Variants in NETO1 observed in about 807,000 individuals in gnomAD.
NETO1 encodes neuropilin and tolloid-like protein 1.
NETO1 carries 26 observed loss-of-function variants against 61.3 expected under a neutral mutation model. That is an observed-to-expected ratio of 0.42 (90% CI 0.31 to 0.59). The LOEUF (loss-of-function observed/expected upper bound fraction) is 0.59. Among genes scored for constraint, NETO1 ranks in the 20% least tolerant of loss-of-function variants. The pLI, the probability that NETO1 is intolerant of heterozygous loss-of-function variation, is 0.12. For missense variants in NETO1, 531 were observed against 662.8 expected, an observed-to-expected ratio of 0.80 and a Z score of 2.18; for synonymous variants, 225 against 225.8, an observed-to-expected ratio of 1.00 and a Z score of 0.03.
At chr18:72,820,961 T>C (rs965320144) in intron 4 of NETO1, among the ~76,000 whole-genome samples, 3 of 152,096 alleles carry the variant, frequency 2.0e-5, no homozygotes, top group Non-Finnish European at 2.9e-5. Context: ...GGTAGATAGA[T>C]AGATAGACTT....
chr18:72,808,253 C>A (rs1358175312), intron 4 of NETO1, among the ~76,000 whole-genome samples: 1 of 152,078 alleles, frequency 6.6e-6, no homozygotes, highest in African/African-American at 2.4e-5. Flanking sequence ...AGCTTTTATG[C>A]CCAGAAAAGT....
chr18:72,846,190 G>A (rs1026124770), intron 4 of NETO1, among the ~76,000 whole-genome samples: 1 of 151,320 alleles, frequency 6.6e-6, no homozygotes, highest in African/African-American at 2.4e-5. Flanking sequence ...CACGGAAGAG[G>A]CACAGCCTAG....
At chr18:72,804,031 T>C (rs977384030) in intron 4 of NETO1, among the ~76,000 whole-genome samples, 5 of 152,114 alleles carry the variant, frequency 3.3e-5, no homozygotes, top group African/African-American at 1.2e-4. Context: ...TTAATATTCA[T>C]TAATATCTTC....
chr18:72,838,506 G>T (rs191195266), intron 4 of NETO1, among the ~76,000 whole-genome samples: 1 of 152,318 alleles, frequency 6.6e-6, no homozygotes. Flanking sequence ...CCAAGAGGTG[G>T]TAGTACAGGC....
chr18:72,835,080 G>T (rs1471829225), intron 4 of NETO1: 2 of 1,094,930 alleles, frequency 1.8e-6, no homozygotes, highest in East Asian at 1.0e-4. Context: ...ACCTTCATCT[G>T]GGTTTCAAGG....
In NETO1 at chr18:72,795,347, G is replaced by A. The variant is rs140225226; in HGVS notation, c.470-943C>T. 3.8e-3 allele frequency among the ~76,000 whole-genome samples: 572 copies of A among 152,246 alleles called. 7 individuals carry two copies. Among genetic ancestry groups the A allele is most frequent in the African/African-American group, 0.013 (546 of 41,544 alleles). ...TGTATCGGACGTCGTGGAATCATGC[G>A]TTAGCCAACTTTCAATGTTGAAGGT... On this transcript the variant is annotated intron_variant, in intron 4 of 10. Transcript: ENST00000327305.
intron 4 of NETO1, among the ~76,000 whole-genome samples, chr18:72,812,699 T>G (rs1261916956): frequency 2.0e-5 from 3 of 152,222 alleles, no homozygotes; most frequent in African/African-American, 7.2e-5. Flanking sequence ...CAATCCGGTC[T>G]CTCTAGAATG....
chr18:72,760,906 T>C (rs2070949413), intron 7 of NETO1, among the ~76,000 whole-genome samples: 1 of 151,960 alleles, frequency 6.6e-6, no homozygotes, highest in Admixed American at 6.5e-5. Context: ...ATTATAACTA[T>C]TACATAAAAT....
At chr18:72,753,366 A>T (rs1218015561) in intron 8 of NETO1, among the ~76,000 whole-genome samples, 3 of 152,196 alleles carry the variant, frequency 2.0e-5, no homozygotes, top group Non-Finnish European at 4.4e-5. Flanking sequence ...GCAGTGCTGC[A>T]AGCAAAAGCA....
At chr18:72,794,018 C>G in intron 6 of NETO1, 99 bp downstream of exon 6, 3 of 1,475,382 alleles carry the variant, frequency 2.0e-6, no homozygotes, top group Non-Finnish European at 2.8e-6. Flanking sequence ...TGGCTGCACT[C>G]TGAAATGTAT....
chr18:72,787,129 A>G (rs968116125), intron 6 of NETO1, among the ~76,000 whole-genome samples: 2 of 149,604 alleles, frequency 1.3e-5, no homozygotes, highest in Non-Finnish European at 3.0e-5. Context: ...CACTGTAAAA[A>G]TCAAAGCTAA....
intron 7 of NETO1, among the ~76,000 whole-genome samples, chr18:72,777,437 A>C (rs1251519043): frequency 3.1e-5 from 3 of 97,664 alleles, no homozygotes; most frequent in Admixed American, 1.1e-4. Flanking sequence ...AAAACAAAAC[A>C]ACAACAAAAA....
chr18:72,848,156 G>A (rs1485569875), intron 4 of NETO1, among the ~76,000 whole-genome samples: 2 of 152,118 alleles, frequency 1.3e-5, no homozygotes, highest in Non-Finnish European at 2.9e-5. Context: ...TCAACTTGAT[G>A]GCGACATTAA....
chr18:72,809,029 T>C (rs1026307686), intron 4 of NETO1, among the ~76,000 whole-genome samples: 42 of 152,358 alleles, frequency 2.8e-4, no homozygotes, highest in African/African-American at 8.7e-4. Flanking sequence ...GGTAAAGTTA[T>C]CATATTCTGT....
At chr18:72,816,039 G>A (rs1406719367) in intron 4 of NETO1, among the ~76,000 whole-genome samples, 1 of 151,748 alleles carries the variant, frequency 6.6e-6, no homozygotes, top group Non-Finnish European at 1.5e-5. Context: ...TTTTTAATCA[G>A]AATTAGGATC....
chr18:72,758,597 G>A (rs1029211323), intron 7 of NETO1, among the ~76,000 whole-genome samples: 1 of 152,144 alleles, frequency 6.6e-6, no homozygotes, highest in Non-Finnish European at 1.5e-5. Flanking sequence ...AGCACTTAGT[G>A]ACTCTGAGGT....
intron 7 of NETO1, among the ~76,000 whole-genome samples, chr18:72,778,377 A>G (rs1177569958): frequency 7.2e-5 from 11 of 152,114 alleles, no homozygotes. Flanking sequence ...TAGGCTGAGA[A>G]TTTTCCAAAT....
In NETO1 at chr18:72,867,468, G is replaced by GC. The variant is rs1247712024; in HGVS notation, c.-178dup. 2 of 418,402 alleles carry GC rather than the reference G, an allele frequency of 4.8e-6. No individual in the cohort carries two copies. Among genetic ancestry groups the GC allele is most frequent in the African/African-American group, 4.1e-5 (2 of 48,734 alleles). 25.9% of individuals were successfully genotyped at this position (418,402 alleles called of 1,614,324 possible). On this transcript the variant is annotated 5_prime_UTR_variant, in exon 1 of 11. The change abolishes the stop of an existing upstream ORF in the 5' untranslated region. Coordinates refer to ENST00000327305, the MANE Select transcript of NETO1 (RefSeq NM_138966.5). ...GGGGGAGCTCCGAGCCCACGCTGCAGCCAGATCCGGATGAGTCCGTCCTCC... is the reference window on the plus strand; with the variant it reads ...GGGGGAGCTCCGAGCCCACGCTGCAGCCCAGATCCGGATGAGTCCGTCCTCC...
In NETO1 at chr18:72,748,058, A is replaced by T; in HGVS notation, c.*121T>A. 1 of 775,808 alleles carries T rather than the reference A, an allele frequency of 1.3e-6. No individual in the cohort carries two copies. Among genetic ancestry groups the T allele is most frequent in the Non-Finnish European group, 1.6e-6 (1 of 638,502 alleles). The allele number at this position is 775,808 out of a possible 1,614,324, so 48.1% of individuals were successfully genotyped here. A position where few individuals can be genotyped will look rare whatever the true frequency, so the allele number is the denominator to read the frequency against. ...GGAATAACAAATGTCTGTAATTCTTAAGTTTGGATAAAGGCAGTGGAATGA... is the reference window on the plus strand; with the variant it reads ...GGAATAACAAATGTCTGTAATTCTTTAGTTTGGATAAAGGCAGTGGAATGA... On this transcript the variant is annotated 3_prime_UTR_variant, in exon 11 of 11. Transcript: ENST00000327305.
Sources: gnomAD v4.1 joint callset for allele counts (sites outside exome capture counted in the v4.1 genomes callset) on GRCh38, gnomAD v4.1.1 for gene constraint, MANE v1.5 for transcripts, NCBI Gene and HGNC (gene_info 2026-07-23, HGNC 2026-07-21) for gene names.